RHBDL3: variants seen among roughly 807,000 people sequenced by gnomAD.
The protein encoded by RHBDL3 is rhomboid like 3, also known as rhomboid-related protein 3.
RHBDL3 carries 28 observed loss-of-function variants against 48.2 expected under a neutral mutation model. The ratio of observed to expected loss-of-function variants is 0.58; its 90% CI spans 0.43 to 0.80. The LOEUF (loss-of-function observed/expected upper bound fraction) is 0.80, where lower values mean the gene tolerates loss of function less well. Among genes scored for constraint, RHBDL3 ranks in the 30% least tolerant of loss-of-function variants. The pLI is 0.00. For synonymous variants in RHBDL3, 208 were observed against 232.3 expected, an observed-to-expected ratio of 0.90 and a Z score of 0.95; for missense variants, 464 against 542.7, an observed-to-expected ratio of 0.85 and a Z score of 1.44.
chr17:32,281,827 A>G (rs894725), intron 2 of RHBDL3, among the ~76,000 whole-genome samples: 86,945 of 152,042 alleles, frequency 0.57, 28,059 homozygotes, highest in African/African-American at 0.89. Context: ...TCCTGGGCCC[A>G]CACTCACCTA....
In RHBDL3 at chr17:32,283,415, A is replaced by G. The variant is rs376387534; in HGVS notation, c.136-1244A>G. ...CAGCTCACTGCAAGCTCCGCCTCCC[A>G]GGTTCACGCCATACTCTCCTGCCTC... On this transcript the variant is annotated intron_variant, in intron 2 of 8. Coordinates refer to ENST00000269051, the MANE Select transcript of RHBDL3 (RefSeq NM_138328.3). Among the ~76,000 whole-genome samples the G allele has an allele frequency of 4.9e-3, 670 of 136,196 alleles. 2 individuals are homozygous for G. The highest frequency in any genetic ancestry group is 6.2e-3 in the African/African-American group (221 of 35,390). 89.3% of individuals were successfully genotyped at this position (136,196 alleles called of 152,430 possible).
At chr17:32,281,434 A>G (rs1333961831) in intron 2 of RHBDL3, among the ~76,000 whole-genome samples, 1 of 151,858 alleles carries the variant, frequency 6.6e-6, no homozygotes, top group Non-Finnish European at 1.5e-5. Flanking sequence ...TCCCTTCTCT[A>G]GGCCGAGGCA....
chr17:32,298,065 T>C (rs752328676), intron 5 of RHBDL3, 27 bp from the exon 6 acceptor site: 56 of 1,415,350 alleles, frequency 4.0e-5, no homozygotes, highest in Non-Finnish European at 5.5e-5. Context: ...AATAGATGAA[T>C]GAGTGAGTGT....
chr17:32,282,421 G>A (rs745460014), intron 2 of RHBDL3, among the ~76,000 whole-genome samples: 5 of 152,058 alleles, frequency 3.3e-5, no homozygotes, highest in African/African-American at 9.7e-5. Flanking sequence ...TTAAAAATTC[G>A]CTGGTTGTGG....
chr17:32,270,372 C>T (rs2039745366), intron 2 of RHBDL3, among the ~76,000 whole-genome samples: 1 of 151,680 alleles, frequency 6.6e-6, no homozygotes, highest in African/African-American at 2.4e-5. Context: ...GGTCTGTTTT[C>T]CAGGTGTTAG....
intron 2 of RHBDL3, among the ~76,000 whole-genome samples, chr17:32,279,647 T>C (rs1480278525): frequency 6.6e-6 from 1 of 152,232 alleles, no homozygotes; most frequent in Admixed American, 6.5e-5. Flanking sequence ...GCTGCCCTTG[T>C]GGGCTGCATG....
chr17:32,269,153 G>A (rs2150685954), intron 2 of RHBDL3, among the ~76,000 whole-genome samples: 1 of 152,294 alleles, frequency 6.6e-6, no homozygotes, highest in African/African-American at 2.4e-5. Flanking sequence ...TTCAAGACCA[G>A]CCTCGCCAAC....
chr17:32,303,002 C>T (rs1389914167), intron 6 of RHBDL3, among the ~76,000 whole-genome samples: 2 of 152,196 alleles, frequency 1.3e-5, no homozygotes, highest in Non-Finnish European at 2.9e-5. Flanking sequence ...TGAAAGAAAA[C>T]CGAAGCCCAA....
At chr17:32,305,917 C>CA (rs759709457) in intron 7 of RHBDL3, among the ~76,000 whole-genome samples, 76,742 of 142,680 alleles carry the variant, frequency 0.54, 20,666 homozygotes, top group Non-Finnish European at 0.6. Context: ...GATTCTTTCT[C>CA]AAAAAAAAAA....
At position 32,298,076 on chromosome 17, in the gene RHBDL3, G is replaced by T; in HGVS notation, c.669-16G>T. 1 of 1,527,162 alleles carries T rather than the reference G, an allele frequency of 6.5e-7. No homozygotes were observed. Among genetic ancestry groups the T allele is most frequent in the South Asian group, 1.1e-5 (1 of 88,864 alleles). 94.6% of individuals were successfully genotyped at this position (1,527,162 alleles called of 1,614,324 possible). ...AATGAATAGATGAATGAGTGAGTGT[G>T]GTCTCTCTGTCACAGGATAGAACAC... On this transcript the variant is annotated splice_polypyrimidine_tract_variant and intron_variant, in intron 5 of 8. Transcript: ENST00000269051.
rs1192984950 is a variant in RHBDL3, at chr17:32,265,859, A to AGGGAGCGCG, written c.-323_-315dup. On this transcript the variant is annotated 5_prime_UTR_variant, in exon 1 of 9. Coordinates refer to ENST00000269051, the MANE Select transcript of RHBDL3 (RefSeq NM_138328.3). ...AGAGCGGGGGCCGCGAGAAGCGGGA[A>AGGGAGCGCG]GGGAGCGCGGGGAGCGGCGGGGCCG... Among the ~76,000 whole-genome samples, 1 of 146,556 alleles carries AGGGAGCGCG rather than the reference A, an allele frequency of 6.8e-6. No individual in the cohort carries two copies. Among genetic ancestry groups the AGGGAGCGCG allele is most frequent in the East Asian group, 2.0e-4 (1 of 4,994 alleles).
At chr17:32,316,117 C>G (rs1346881241) in intron 7 of RHBDL3, 115 bp from the exon 8 acceptor site, 1 of 755,800 alleles carries the variant, frequency 1.3e-6, no homozygotes. Flanking sequence ...AGCCACAACC[C>G]TCTCATTCAG....
intron 2 of RHBDL3, among the ~76,000 whole-genome samples, chr17:32,270,130 C>T (rs141802579): frequency 5.7e-5 from 5 of 88,390 alleles, no homozygotes; most frequent in African/African-American, 2.6e-4. Context: ...GAGACCCTTT[C>T]TCAAAAAAAA....
At chr17:32,266,406 G>A (rs1366571582) in intron 1 of RHBDL3, 106 bp downstream of exon 1, 2 of 546,422 alleles carry the variant, frequency 3.7e-6, no homozygotes, top group Admixed American at 4.6e-5. Flanking sequence ...AGGGTGACGC[G>A]GGAGCGCCCC....
At chr17:32,300,668 C>G (rs2040560846) in intron 6 of RHBDL3, among the ~76,000 whole-genome samples, 1 of 152,210 alleles carries the variant, frequency 6.6e-6, no homozygotes, top group South Asian at 2.1e-4. Context: ...ATGAGGATAG[C>G]TAACCTCTAT....
intron 6 of RHBDL3, among the ~76,000 whole-genome samples, chr17:32,304,546 C>G (rs1472771820): frequency 6.6e-6 from 1 of 152,204 alleles, no homozygotes; most frequent in Non-Finnish European, 1.5e-5. Flanking sequence ...AGGCTACTGG[C>G]GCCTGCCTCA....
chr17:32,273,881 G>A (rs922262188), intron 2 of RHBDL3, among the ~76,000 whole-genome samples: 38 of 152,202 alleles, frequency 2.5e-4, no homozygotes, highest in Middle Eastern at 6.8e-3. Flanking sequence ...GATTACAGGC[G>A]TGTGCAATCA....
At chr17:32,297,652 C>CTTTT (rs71362824) in intron 5 of RHBDL3, among the ~76,000 whole-genome samples, 1 of 50,982 alleles carries the variant, frequency 2.0e-5, no homozygotes, top group African/African-American at 7.1e-5. Flanking sequence ...GTTGCTGGAT[C>CTTTT]TTTTTTTTTT....
intron 5 of RHBDL3, among the ~76,000 whole-genome samples, chr17:32,297,791 C>T (rs770580726): frequency 6.6e-6 from 1 of 151,346 alleles, no homozygotes; most frequent in Non-Finnish European, 1.5e-5. Context: ...TGGGCCACTG[C>T]GCCCAGCCTA....
Sources: allele counts gnomAD v4.1 joint callset (sites outside exome capture counted in the v4.1 genomes callset), GRCh38; gene constraint gnomAD v4.1.1; transcripts MANE v1.5; gene names NCBI Gene and HGNC (gene_info 2026-07-23, HGNC 2026-07-21).